The following CNTN3 variants were observed in gnomAD, a reference collection of about 807,000 sequenced individuals.
The protein encoded by CNTN3 is contactin 3, also known as contactin-3.
A neutral mutation model predicts 119.1 loss-of-function variants in CNTN3; 60 were observed. The ratio of observed to expected loss-of-function variants is 0.50; its 90% CI spans 0.41 to 0.62. The LOEUF (loss-of-function observed/expected upper bound fraction) is 0.62. Ranked by LOEUF, CNTN3 falls within the 20% of genes least tolerant of loss-of-function variation. The pLI is 0.00. For synonymous variants in CNTN3, 450 were observed against 438.7 expected (o/e 1.03, Z -0.32); for missense variants, 1,101 against 1,242.4 (o/e 0.89, Z 1.71).
intron 9 of CNTN3, 77 bp downstream of exon 9, chr3:74,365,489 G>A (rs1294276115): frequency 1.3e-6 from 2 of 1,571,868 alleles, no homozygotes. Context: ...ACTAAAGAAA[G>A]CATTTGCTAA....
At chr3:74,373,689 A>G (rs1221747629) in intron 5 of CNTN3, among the ~76,000 whole-genome samples, 1 of 152,166 alleles carries the variant, frequency 6.6e-6, no homozygotes, top group Admixed American at 6.6e-5. Flanking sequence ...GTTCAACTCA[A>G]AATGTTTGCA....
At chr3:74,346,995 A>G (rs1286492866) in intron 11 of CNTN3, among the ~76,000 whole-genome samples, 1 of 152,214 alleles carries the variant, frequency 6.6e-6, no homozygotes, top group African/African-American at 2.4e-5. Flanking sequence ...AAGCTGTCCA[A>G]GAAAGAGTGA....
chr3:74,548,023 A>G (rs1355955409), intron 1 of CNTN3, among the ~76,000 whole-genome samples: 2 of 152,200 alleles, frequency 1.3e-5, no homozygotes, highest in African/African-American at 4.8e-5. Context: ...AACCACTTGC[A>G]TCAGTGCTAC....
At chr3:74,353,561 C>T (rs1477921556) in intron 11 of CNTN3, among the ~76,000 whole-genome samples, 1 of 152,120 alleles carries the variant, frequency 6.6e-6, no homozygotes, top group African/African-American at 2.4e-5. Context: ...TCGAGACCAT[C>T]CCGGCTAACA....
At chr3:74,424,709 A>C (rs1701668446) in intron 5 of CNTN3, 136 bp downstream of exon 5, 1 of 753,018 alleles carries the variant, frequency 1.3e-6, no homozygotes, top group South Asian at 1.6e-5. Context: ...CTCATATTCC[A>C]ACTCAGCAGA....
intron 4 of CNTN3, among the ~76,000 whole-genome samples, chr3:74,482,111 C>G (rs1188551001): frequency 2.6e-5 from 4 of 151,406 alleles, no homozygotes; most frequent in Non-Finnish European, 4.4e-5. Context: ...TTCTAGTGAA[C>G]AGAAAAAATA....
intron 2 of CNTN3, among the ~76,000 whole-genome samples, chr3:74,509,362 G>T (rs1166743815): frequency 6.8e-6 from 1 of 147,696 alleles, no homozygotes; most frequent in Admixed American, 7.0e-5. Flanking sequence ...TGCCCAGGCT[G>T]GAGTGCAGTG....
chr3:74,563,440 ATTAT>A (rs1704182458), intron 1 of CNTN3, among the ~76,000 whole-genome samples: 1 of 152,096 alleles, frequency 6.6e-6, no homozygotes, highest in Non-Finnish European at 1.5e-5. Context: ...TTCCATTATT[ATTAT>A]TAATATGTAA....
chr3:74,460,369 G>A (rs1408266657), intron 4 of CNTN3, among the ~76,000 whole-genome samples: 1 of 151,860 alleles, frequency 6.6e-6, no homozygotes, highest in Non-Finnish European at 1.5e-5. Context: ...ATCAATTTGA[G>A]GAGAATTAAC....
At chr3:74,406,406 C>T (rs538153246) in intron 5 of CNTN3, among the ~76,000 whole-genome samples, 1 of 151,978 alleles carries the variant, frequency 6.6e-6, no homozygotes, top group East Asian at 1.9e-4. Flanking sequence ...AATAAATAGA[C>T]CAAAATGAGG....
intron 5 of CNTN3, among the ~76,000 whole-genome samples, chr3:74,377,533 A>G (rs2106803222): frequency 6.6e-6 from 1 of 152,314 alleles, no homozygotes; most frequent in Non-Finnish European, 1.5e-5. Context: ...AAAAAGCTGT[A>G]ATAAAAATGA....
chr3:74,315,790 C>T (rs891427950), intron 13 of CNTN3, among the ~76,000 whole-genome samples: 3 of 152,096 alleles, frequency 2.0e-5, no homozygotes, highest in African/African-American at 7.2e-5. Flanking sequence ...CCTTCCCTAT[C>T]ACCATACACA....
chr3:74,318,240 A>AT (rs142155314), intron 13 of CNTN3, among the ~76,000 whole-genome samples: 69 of 149,734 alleles, frequency 4.6e-4, no homozygotes, highest in East Asian at 2.0e-3. Context: ...CCATTTGTCT[A>AT]TTTTTTTTTC....
At chr3:74,535,094 T>G (rs1049264996) in intron 1 of CNTN3, among the ~76,000 whole-genome samples, 4 of 152,142 alleles carry the variant, frequency 2.6e-5, no homozygotes, top group African/African-American at 9.7e-5. Flanking sequence ...TAACTCATTT[T>G]GAAGAGACAA....
chr3:74,594,265 CT>C (rs1178602846), intron 1 of CNTN3, among the ~76,000 whole-genome samples: 13 of 108,210 alleles, frequency 1.2e-4, no homozygotes, highest in East Asian at 2.9e-4. Flanking sequence ...AACTGTATTT[CT>C]TTTTTTCTTT....
intron 4 of CNTN3, among the ~76,000 whole-genome samples, chr3:74,442,482 A>G (rs974423561): frequency 1.3e-5 from 2 of 152,086 alleles, no homozygotes; most frequent in African/African-American, 4.8e-5. Context: ...AATAATTATT[A>G]CCTTTTAAGG....
chr3:74,489,166 G>A (rs1360049602), intron 3 of CNTN3, among the ~76,000 whole-genome samples: 3 of 152,134 alleles, frequency 2.0e-5, no homozygotes. Context: ...CCCCATGAGA[G>A]TCTGTTGGAG....
intron 11 of CNTN3, among the ~76,000 whole-genome samples, chr3:74,345,964 T>C (rs58512793): frequency 0.02 from 3,035 of 152,328 alleles, 97 homozygotes; most frequent in African/African-American, 0.069. Flanking sequence ...GGATTTATGC[T>C]GTTCTAAAGA....
At chr3:74,460,449 C>A (rs902144083) in intron 4 of CNTN3, among the ~76,000 whole-genome samples, 1 of 151,746 alleles carries the variant, frequency 6.6e-6, no homozygotes, top group Admixed American at 6.6e-5. Flanking sequence ...TTTAGGTCTT[C>A]TTTGATTTCT....
Sources: gnomAD v4.1 joint callset for allele counts (sites outside exome capture counted in the v4.1 genomes callset) on GRCh38, gnomAD v4.1.1 for gene constraint, MANE v1.5 for transcripts, NCBI Gene and HGNC (gene_info 2026-07-23, HGNC 2026-07-21) for gene names.